KCNMB3: variants seen among roughly 807,000 people sequenced by gnomAD.
The protein encoded by KCNMB3 is potassium calcium-activated channel subfamily M regulatory beta subunit 3.
A neutral mutation model predicts 11.9 loss-of-function variants in KCNMB3; 18 were observed. That is an observed-to-expected ratio of 1.51 (90% CI 1.04 to 2.23). The LOEUF is 2.23. Ranked by LOEUF, KCNMB3 falls within the 30% of genes most tolerant of loss-of-function variation. KCNMB3 has a pLI of 0.00. For synonymous variants in KCNMB3, 78 were observed against 119.2 expected (o/e 0.65, Z 2.25); for missense variants, 247 against 329.4 (o/e 0.75, Z 1.94).
chr3:179,245,516 G>T (rs201913513), intron 1 of KCNMB3, among the ~76,000 whole-genome samples: 12,361 of 140,334 alleles, frequency 0.088, 506 homozygotes, highest in African/African-American at 0.1. Flanking sequence ...AATTTTTTTG[G>T]GGGGGGGGAT....
intron 1 of KCNMB3, among the ~76,000 whole-genome samples, chr3:179,265,883 G>C (rs1726359003): frequency 6.6e-6 from 1 of 152,228 alleles, no homozygotes; most frequent in Non-Finnish European, 1.5e-5. Context: ...GGTCACTAGA[G>C]GCTTTCAGCT....
chr3:179,258,838 C>T (rs1441330888), intron 1 of KCNMB3: 13 of 1,492,734 alleles, frequency 8.7e-6, no homozygotes, highest in African/African-American at 2.7e-5. Context: ...TGGGTGATAA[C>T]CTCAATGATT....
intron 2 of KCNMB3, among the ~76,000 whole-genome samples, chr3:179,243,731 T>C (rs971016668): frequency 6.6e-6 from 1 of 152,224 alleles, no homozygotes; most frequent in African/African-American, 2.4e-5. Context: ...TTGAGGCTTT[T>C]GCTCTAGACT....
chr3:179,242,705 T>C, downstream of KCNMB3: 10 of 923,114 alleles, frequency 1.1e-5, no homozygotes, highest in South Asian at 2.8e-4. Flanking sequence ...GAGATTGGGA[T>C]TAGAAAAGAT....
At chr3:179,243,669 T>C (rs569856464) in intron 2 of KCNMB3, among the ~76,000 whole-genome samples, 7 of 152,330 alleles carry the variant, frequency 4.6e-5, no homozygotes, top group Non-Finnish European at 7.3e-5. Flanking sequence ...AATGCCTCTG[T>C]TGTCTCTGTC....
At chr3:179,255,807 C>T (rs772843359), upstream of KCNMB3, among the ~76,000 whole-genome samples, 2 of 152,112 alleles carry the variant, frequency 1.3e-5, no homozygotes, top group Admixed American at 6.5e-5. Context: ...TCTTAACAGT[C>T]GCCAAAGAAA....
intron 1 of KCNMB3, among the ~76,000 whole-genome samples, chr3:179,246,178 G>A (rs1193909033): frequency 2.6e-5 from 4 of 152,172 alleles, no homozygotes; most frequent in African/African-American, 4.8e-5. Flanking sequence ...TTGGGAGGCC[G>A]AGGCGGGCAG....
upstream of KCNMB3, chr3:179,251,469 C>A: frequency 7.1e-7 from 1 of 1,401,058 alleles, no homozygotes; most frequent in South Asian, 1.8e-5. Flanking sequence ...ATGAAGTTGT[C>A]ATGGCTTCTT....
At chr3:179,248,368 G>A (rs1176016981) in intron 1 of KCNMB3, among the ~76,000 whole-genome samples, 1 of 152,166 alleles carries the variant, frequency 6.6e-6, no homozygotes, top group Non-Finnish European at 1.5e-5. Flanking sequence ...TCAGGGGTTA[G>A]GGATGCCAAC....
chr3:179,252,253 A>G (rs1725872433), upstream of KCNMB3, among the ~76,000 whole-genome samples: 1 of 152,158 alleles, frequency 6.6e-6, no homozygotes, highest in South Asian at 2.1e-4. Flanking sequence ...CCTGCTCAGT[A>G]GCCATTTGAG....
At chr3:179,242,671 G>A, downstream of KCNMB3, 1 of 650,282 alleles carries the variant, frequency 1.5e-6, no homozygotes, top group Non-Finnish European at 2.2e-6. Flanking sequence ...AAAAAAAACA[G>A]TGCTTCCTTA....
upstream of KCNMB3, among the ~76,000 whole-genome samples, chr3:179,255,253 AAT>A (rs1162725321): frequency 2.6e-5 from 4 of 151,878 alleles, no homozygotes; most frequent in Non-Finnish European, 4.4e-5. Flanking sequence ...GTGCAAAAAA[AAT>A]AGACCACAAA....
At chr3:179,259,592 T>A in intron 1 of KCNMB3, 5 of 1,608,486 alleles carry the variant, frequency 3.1e-6, no homozygotes, top group Non-Finnish European at 4.2e-6. Context: ...CTTCCACTGC[T>A]GACTTTCTGT....
intron 1 of KCNMB3, among the ~76,000 whole-genome samples, chr3:179,262,541 A>G (rs1417189809): frequency 6.6e-6 from 1 of 152,228 alleles, no homozygotes; most frequent in Non-Finnish European, 1.5e-5. Flanking sequence ...CAAATCCTCC[A>G]CAGCGTGGAA....
intron 1 of KCNMB3, among the ~76,000 whole-genome samples, chr3:179,265,346 C>T (rs1289109570): frequency 6.6e-6 from 1 of 152,128 alleles, no homozygotes; most frequent in African/African-American, 2.4e-5. Flanking sequence ...ATGACCATTA[C>T]CATCTTTAAT....
At chr3:179,259,165 T>C in intron 1 of KCNMB3, 1 of 1,563,842 alleles carries the variant, frequency 6.4e-7, no homozygotes, top group Non-Finnish European at 8.6e-7. Flanking sequence ...AAAGCTTTCC[T>C]GATGGTCTGA....
chr3:179,249,854 G>C (rs1350204800), intron 1 of KCNMB3, among the ~76,000 whole-genome samples: 1 of 152,104 alleles, frequency 6.6e-6, no homozygotes, highest in African/African-American at 2.4e-5. Context: ...GACACCTAGA[G>C]GGGAGCAACA....
upstream of KCNMB3, among the ~76,000 whole-genome samples, chr3:179,252,938 G>C (rs916573867): frequency 6.6e-6 from 1 of 152,000 alleles, no homozygotes; most frequent in Non-Finnish European, 1.5e-5. Context: ...CACTGTGTTA[G>C]CCAGAATGGT....
chr3:179,265,423 G>T (rs961427001), intron 1 of KCNMB3, among the ~76,000 whole-genome samples: 5 of 152,122 alleles, frequency 3.3e-5, no homozygotes, highest in African/African-American at 1.2e-4. Context: ...TCCAGATAGT[G>T]AGTGAACCTG....
Sources: gnomAD v4.1 joint callset for allele counts (sites outside exome capture counted in the v4.1 genomes callset) on GRCh38, gnomAD v4.1.1 for gene constraint, MANE v1.5 for transcripts, NCBI Gene and HGNC (gene_info 2026-07-23, HGNC 2026-07-21) for gene names.